Variants in FAM110B observed in about 807,000 individuals in gnomAD.
The protein encoded by FAM110B is family with sequence similarity 110 member B.
A neutral mutation model predicts 20.4 loss-of-function variants in FAM110B; 6 were observed. The ratio of observed to expected loss-of-function variants is 0.29; its 90% CI spans 0.16 to 0.58. The LOEUF is 0.58. FAM110B is among the 20% of genes least tolerant of loss of function. The probability of loss-of-function intolerance (pLI) is 0.90; values close to 1 mark genes in which losing one functional copy is unlikely to be tolerated. For missense variants in FAM110B, 434 were observed against 498.2 expected, an observed-to-expected ratio of 0.87 and a Z score of 1.23; for synonymous variants, 226 against 214.1, an observed-to-expected ratio of 1.06 and a Z score of -0.49.
chr8:58,097,171 A>C (rs536179531), intron 3 of FAM110B, among the ~76,000 whole-genome samples: 37 of 152,314 alleles, frequency 2.4e-4, no homozygotes, highest in African/African-American at 6.5e-4. Flanking sequence ...CATCACTTTC[A>C]GGTACACCAA....
At chr8:58,071,906 C>T (rs1172692555) in intron 2 of FAM110B, among the ~76,000 whole-genome samples, 5 of 152,142 alleles carry the variant, frequency 3.3e-5, no homozygotes, top group South Asian at 2.1e-4. Flanking sequence ...ATACAAACCA[C>T]GCCTGTTCCC....
At chr8:58,081,370 C>A (rs1197150493) in intron 3 of FAM110B, among the ~76,000 whole-genome samples, 1 of 152,098 alleles carries the variant, frequency 6.6e-6, no homozygotes. Flanking sequence ...CCATGCCTGG[C>A]TAATTTTTAT....
At chr8:58,006,099 C>T (rs190766977) in intron 1 of FAM110B, among the ~76,000 whole-genome samples, 1 of 152,200 alleles carries the variant, frequency 6.6e-6, no homozygotes, top group African/African-American at 2.4e-5. Flanking sequence ...ATCATGCTTA[C>T]TATTTCCTGG....
At chr8:58,011,949 G>T (rs1018193221) in intron 1 of FAM110B, among the ~76,000 whole-genome samples, 5 of 152,134 alleles carry the variant, frequency 3.3e-5, no homozygotes, top group Non-Finnish European at 7.3e-5. Context: ...TCTGTCACAG[G>T]CTCTGCTTCA....
chr8:58,031,458 G>T (rs1804960667), intron 1 of FAM110B, 148 bp from the exon 2 acceptor site: 1 of 152,194 alleles, frequency 6.6e-6, no homozygotes, highest in South Asian at 2.1e-4. Flanking sequence ...TCCTGGAGCA[G>T]CTGAATTAGA....
intron 3 of FAM110B, among the ~76,000 whole-genome samples, chr8:58,145,409 A>G (rs1803838158): frequency 6.6e-6 from 1 of 151,702 alleles, no homozygotes; most frequent in African/African-American, 2.4e-5. Context: ...TGTTGCAAGT[A>G]TTCCTGAGAA....
At chr8:58,143,890 G>C (rs796416521) in intron 3 of FAM110B, among the ~76,000 whole-genome samples, 11 of 152,322 alleles carry the variant, frequency 7.2e-5, no homozygotes, top group African/African-American at 2.6e-4. Context: ...TCTTCAGAGA[G>C]CGTTGGCCTA....
intron 2 of FAM110B, among the ~76,000 whole-genome samples, chr8:58,044,381 G>A (rs922675669): frequency 6.6e-6 from 1 of 152,134 alleles, no homozygotes; most frequent in Non-Finnish European, 1.5e-5. Context: ...ATATATCTCT[G>A]GTAATAGTTC....
intron 1 of FAM110B, among the ~76,000 whole-genome samples, chr8:58,030,937 C>T (rs1182124887): frequency 6.6e-6 from 1 of 152,160 alleles, no homozygotes; most frequent in East Asian, 1.9e-4. Context: ...GTCTCCGTTT[C>T]TTTCCCCGTT....
intron 1 of FAM110B, among the ~76,000 whole-genome samples, chr8:58,016,004 T>A (rs1804630446): frequency 1.3e-5 from 2 of 152,222 alleles, no homozygotes; most frequent in Admixed American, 1.3e-4. Context: ...ATTCTATTTA[T>A]ATGGTTTAAT....
rs373901437 is a variant in FAM110B, at chr8:58,146,672, C to A, written c.442C>A (p.Arg148=). The part of the protein sequence containing the change: ...KHSSRNWPPH[R]SEATDLHRHS... ...CAGCTCCCGCAACTGGCCGCCCCACCGGTCGGAAGCCACTGACCTGCACCG... is the reference window on the plus strand; with the variant it reads ...CAGCTCCCGCAACTGGCCGCCCCACAGGTCGGAAGCCACTGACCTGCACCG... The change falls in exon 4 of 4, where the codon CGG becomes AGG. Residue 148 remains arginine, a synonymous_variant. Coordinates refer to ENST00000519262, the MANE Select transcript of FAM110B (RefSeq NM_001377989.1). The A allele has an allele frequency of 6.2e-7, 1 of 1,612,482 alleles. No individual in the cohort carries two copies. Among genetic ancestry groups the A allele is most frequent in the Non-Finnish European group, 8.5e-7 (1 of 1,179,418 alleles).
chr8:58,046,614 TG>T (rs1465850699), intron 2 of FAM110B, among the ~76,000 whole-genome samples: 1 of 152,254 alleles, frequency 6.6e-6, no homozygotes, highest in Non-Finnish European at 1.5e-5. Context: ...ATTTCTTCCT[TG>T]CTGGGGCAAC....
intron 3 of FAM110B, among the ~76,000 whole-genome samples, chr8:58,081,557 TG>T (rs1297877478): frequency 6.6e-6 from 1 of 152,172 alleles, no homozygotes; most frequent in Non-Finnish European, 1.5e-5. Context: ...TCTGAAACGT[TG>T]TTTCTCCCAG....
chr8:58,146,415 T>C lies in FAM110B; in HGVS notation c.185T>C (p.Val62Ala). 1 of 1,613,840 alleles carries C rather than the reference T, an allele frequency of 6.2e-7. No homozygotes were observed. The highest frequency in any genetic ancestry group is 8.5e-7 in the Non-Finnish European group (1 of 1,179,930). Residue 62 changes from valine (V) to alanine (A), a missense_variant, in exon 4 of 4, where the codon GTC becomes GCC. Transcript: ENST00000519262. ...ERLEADKAKY[V>A]KSQEVINAKQ... ...CTGGAGGCCGACAAGGCCAAGTACGTCAAGAGCCAGGAGGTGATCAACGCC... is the reference window on the plus strand; with the variant it reads ...CTGGAGGCCGACAAGGCCAAGTACGCCAAGAGCCAGGAGGTGATCAACGCC...
At chr8:58,079,768 C>T (rs1268779972) in intron 3 of FAM110B, among the ~76,000 whole-genome samples, 1 of 151,310 alleles carries the variant, frequency 6.6e-6, no homozygotes, top group Non-Finnish European at 1.5e-5. Flanking sequence ...GTGACAGAGC[C>T]AAGACCCTAT....
intron 3 of FAM110B, among the ~76,000 whole-genome samples, chr8:58,138,037 A>T (rs1803660189): frequency 6.6e-6 from 1 of 152,148 alleles, no homozygotes; most frequent in Non-Finnish European, 1.5e-5. Context: ...CCTGCTCCTT[A>T]TCAGACGGCT....
Position 58,066,395 on chromosome 8 carries a change from C to G in FAM110B, c.-413-9140C>G, listed in dbSNP as rs549649826. ...CAGGCAGTGAAGCTGCCTCATGGCA[C>G]AGGGATGCCAAGTGTCTGTGGAGGA... is the stretch of plus-strand genomic sequence containing the variant. On this transcript the variant is annotated intron_variant, in intron 2 of 3. Coordinates refer to ENST00000519262, the MANE Select transcript of FAM110B (RefSeq NM_001377989.1). 2.2e-4 allele frequency among the ~76,000 whole-genome samples: 34 copies of G among 152,312 alleles called. 1 individual carries two copies. Among genetic ancestry groups the G allele is most frequent in the South Asian group, 4.1e-4 (2 of 4,832 alleles).
intron 1 of FAM110B, among the ~76,000 whole-genome samples, chr8:58,013,587 A>G (rs1662281000): frequency 6.6e-6 from 1 of 152,166 alleles, no homozygotes; most frequent in African/African-American, 2.4e-5. Flanking sequence ...GGGCTGCCAA[A>G]TAAAGTGGGC....
At position 58,079,613 on chromosome 8, in the gene FAM110B, CA is replaced by C. The variant is rs950663817; in HGVS notation, c.-325+3999del. 6.9e-4 allele frequency among the ~76,000 whole-genome samples: 104 copies of C among 151,504 alleles called. 6 individuals carry two copies. The highest frequency in any genetic ancestry group is 2.4e-3 in the African/African-American group (100 of 41,354). On this transcript the variant is annotated intron_variant, in intron 3 of 3. Coordinates refer to ENST00000519262, the MANE Select transcript of FAM110B (RefSeq NM_001377989.1). ...GCAACACTGTGAGACCCTGTCTCTACAAAAAAAAATTTTTTAAATTAGCCAG... is the reference window on the plus strand; with the variant it reads ...GCAACACTGTGAGACCCTGTCTCTACAAAAAAAATTTTTTAAATTAGCCAG...
Sources: gnomAD v4.1 joint callset for allele counts (sites outside exome capture counted in the v4.1 genomes callset) on GRCh38, gnomAD v4.1.1 for gene constraint, MANE v1.5 for transcripts, NCBI Gene and HGNC (gene_info 2026-07-23, HGNC 2026-07-21) for gene names.